Variants in PCDHGA1 observed in about 807,000 individuals in gnomAD.
PCDHGA1 encodes protocadherin gamma-A1.
A neutral mutation model predicts 58.0 loss-of-function variants in PCDHGA1; 32 were observed. That is an observed-to-expected ratio of 0.55 (90% confidence interval 0.42 to 0.74). The LOEUF (loss-of-function observed/expected upper bound fraction) is 0.74. Ranked by LOEUF, PCDHGA1 falls within the 30% of genes least tolerant of loss-of-function variation. PCDHGA1 has a pLI of 0.00. For missense variants in PCDHGA1, 1,205 were observed against 1,182.3 expected, an observed-to-expected ratio of 1.02 and a Z score of -0.28; for synonymous variants, 498 against 501.1, an observed-to-expected ratio of 0.99 and a Z score of 0.08.
At chr5:141,389,113 G>A in intron 1 of PCDHGA1, 1 of 1,613,970 alleles carries the variant, frequency 6.2e-7, no homozygotes, top group South Asian at 1.1e-5. Flanking sequence ...GTTCTAGACC[G>A]CGAGCAGAAT....
intron 1 of PCDHGA1, chr5:141,426,776 C>G (rs1258505646): frequency 2.2e-6 from 1 of 456,584 alleles, no homozygotes; most frequent in Admixed American, 2.3e-5. Flanking sequence ...TAGGGCCTCA[C>G]TCTCTCCAGA....
chr5:141,501,162 C>T (rs922957843), intron 2 of PCDHGA1, among the ~76,000 whole-genome samples: 1 of 152,134 alleles, frequency 6.6e-6, no homozygotes, highest in Non-Finnish European at 1.5e-5. Context: ...CCACCATCCC[C>T]AGCCTCATTT....
intron 1 of PCDHGA1, chr5:141,340,598 A>C: frequency 1.2e-6 from 2 of 1,614,206 alleles, no homozygotes; most frequent in Non-Finnish European, 1.7e-6. Flanking sequence ...CCCTCCACTC[A>C]GTAGCAATGT....
intron 1 of PCDHGA1, chr5:141,403,027 G>C: frequency 1.2e-6 from 2 of 1,614,070 alleles, no homozygotes; most frequent in Non-Finnish European, 1.7e-6. Flanking sequence ...TGCTATGGGA[G>C]GCCAGGGCCA....
intron 1 of PCDHGA1, chr5:141,383,689 G>T (rs773858539): frequency 1.9e-6 from 3 of 1,614,036 alleles, no homozygotes; most frequent in Non-Finnish European, 2.5e-6. Flanking sequence ...ACTGCTCACG[G>T]TACATGCTAT....
intron 1 of PCDHGA1, chr5:141,415,170 C>T (rs781724309): frequency 3.7e-6 from 6 of 1,613,878 alleles, no homozygotes; most frequent in South Asian, 2.2e-5. Flanking sequence ...TCACGCTCAC[C>T]GTGGCCGTGG....
intron 1 of PCDHGA1, chr5:141,423,971 G>T: frequency 8.8e-7 from 1 of 1,136,014 alleles, no homozygotes; most frequent in Non-Finnish European, 1.1e-6. Context: ...TCTATTATCA[G>T]TGTATGAGGC....
intron 1 of PCDHGA1, chr5:141,384,222 G>A: frequency 1.2e-6 from 2 of 1,613,868 alleles, no homozygotes; most frequent in South Asian, 2.2e-5. Context: ...TATTCATGCA[G>A]GTGGCAGACA....
At position 141,345,707 on chromosome 5, in the gene PCDHGA1, C is replaced by A. The variant is rs200612120; in HGVS notation, c.2421+12602C>A. On this transcript the variant is annotated intron_variant, in intron 1 of 3. Transcript: ENST00000517417. Reference sequence around the variant, plus strand: ...TGTTCGTGCTGGACCAGAACGACAACGCGCCCGAGATCCTGTACCCCGCCC... The same window carrying A: ...TGTTCGTGCTGGACCAGAACGACAAAGCGCCCGAGATCCTGTACCCCGCCC... 5.0e-6 allele frequency: 8 copies of A among 1,614,116 alleles called. No individual in the cohort carries two copies. In the African/African-American group the frequency reaches 8.0e-5, roughly 16 times the overall value.
chr5:141,496,021 G>C lies in PCDHGA1; in HGVS notation c.2480+1156G>C, dbSNP rs1011612662. Among the ~76,000 whole-genome samples, 3 of 151,454 alleles carry C rather than the reference G, an allele frequency of 2.0e-5. No individual in the cohort carries two copies. The East Asian group carries it at 5.8e-4, about 29-fold the overall frequency. ...CTTTTATCTTGTCTTTTTTCTCTGA[G>C]CCTCTGTCTCTGTCTCTCATTTTTT... On this transcript the variant is annotated intron_variant, in intron 2 of 3. Coordinates refer to ENST00000517417, the MANE Select transcript of PCDHGA1 (RefSeq NM_018912.3).
At chr5:141,359,720 C>T (rs1240719607) in intron 1 of PCDHGA1, among the ~76,000 whole-genome samples, 1 of 152,140 alleles carries the variant, frequency 6.6e-6, no homozygotes, top group Non-Finnish European at 1.5e-5. Context: ...AACTTTAACA[C>T]TCATTTCCCC....
rs1176011355 is a variant in PCDHGA1 at position 141,485,491 on chromosome 5, G to A, written c.2422-9316G>A. The A allele has an allele frequency of 1.2e-6, 2 of 1,614,142 alleles. No individual in the cohort carries two copies. Among genetic ancestry groups the A allele is most frequent in the Non-Finnish European group, 1.7e-6 (2 of 1,180,040 alleles). On this transcript the variant is annotated intron_variant, in intron 1 of 3. Transcript: ENST00000517417. This position sits in a 1 kb window ranked among gnomAD's most constrained non-coding sequence, Gnocchi z 5.7. ...TCAGTGCCAGCTGCATCGTGCCCCT[G>A]GAGTTTGTCACCGAAGGTCCTTTGG...
chr5:141,341,088 C>T, intron 1 of PCDHGA1: 2 of 1,614,222 alleles, frequency 1.2e-6, no homozygotes, highest in Non-Finnish European at 1.7e-6. Flanking sequence ...GTCTTCCTGG[C>T]CTTCGTCATC....
chr5:141,494,468 C>G (rs2099754577), intron 1 of PCDHGA1, among the ~76,000 whole-genome samples: 1 of 152,136 alleles, frequency 6.6e-6, no homozygotes, highest in East Asian at 1.9e-4. Context: ...TGCACCTCTT[C>G]CCCCAGTTCC....
intron 1 of PCDHGA1, chr5:141,418,947 G>T (rs534744990): frequency 6.2e-7 from 1 of 1,614,022 alleles, no homozygotes; most frequent in African/African-American, 1.3e-5. Context: ...TCCCCTCCAG[G>T]AGTGGTTGTT....
chr5:141,400,245 C>G (rs778709619), intron 1 of PCDHGA1: 32 of 1,613,998 alleles, frequency 2.0e-5, no homozygotes, highest in Non-Finnish European at 2.5e-5. Flanking sequence ...TGATTCTGGC[C>G]GTTGCCTTGC....
At chr5:141,420,722 A>G (rs1428516588) in intron 1 of PCDHGA1, among the ~76,000 whole-genome samples, 1 of 152,226 alleles carries the variant, frequency 6.6e-6, no homozygotes, top group African/African-American at 2.4e-5. Context: ...CGTTCCTTTC[A>G]GTCGGTTAAA....
At chr5:141,371,049 G>T in intron 1 of PCDHGA1, 1 of 1,613,942 alleles carries the variant, frequency 6.2e-7, no homozygotes, top group Non-Finnish European at 8.5e-7. Flanking sequence ...GGATGGGGGC[G>T]AGCCCTCCAG....
Position 141,431,663 on chromosome 5 carries a change from T to G in PCDHGA1, c.2422-63144T>G, listed in dbSNP as rs2097405149. ...ACTAGATTGTAATTCAGGGACAATA[T>G]CAACAATAGGGGAGTTGGACCACGA... On this transcript the variant is annotated intron_variant, in intron 1 of 3. Coordinates refer to ENST00000517417, the MANE Select transcript of PCDHGA1 (RefSeq NM_018912.3). The surrounding 1 kb of genome is among the most constrained non-coding windows in gnomAD (Gnocchi z 4.8). The G allele has an allele frequency of 6.2e-7, 1 of 1,614,168 alleles. No individual in the cohort carries two copies.
Sources: gnomAD v4.1 joint callset for allele counts (sites outside exome capture counted in the v4.1 genomes callset) on GRCh38, gnomAD v4.1.1 for gene constraint, Gnocchi (gnomAD v3.1) non-coding constraint, MANE v1.5 for transcripts, NCBI Gene and HGNC (gene_info 2026-07-23, HGNC 2026-07-21) for gene names.